The following KIFAP3 variants were observed in gnomAD, a reference collection of about 807,000 sequenced individuals.
The protein encoded by KIFAP3 is kinesin associated protein 3, also known as kinesin-associated protein 3.
KIFAP3 carries 68 observed loss-of-function variants against 106.5 expected under a neutral mutation model. The ratio of observed to expected loss-of-function variants is 0.64; its 90% confidence interval spans 0.53 to 0.78. The LOEUF (loss-of-function observed/expected upper bound fraction) is 0.78, where lower values mean the gene tolerates loss of function less well. KIFAP3 is among the 30% of genes least tolerant of loss of function. The pLI is 0.00. For synonymous variants in KIFAP3, 320 were observed against 311.5 expected, an observed-to-expected ratio of 1.03 and a Z score of -0.29; for missense variants, 780 against 941.8, an observed-to-expected ratio of 0.83 and a Z score of 2.25.
chr1:169,977,427 C>T (rs1666278488), intron 16 of KIFAP3, among the ~76,000 whole-genome samples: 1 of 152,166 alleles, frequency 6.6e-6, no homozygotes, highest in African/African-American at 2.4e-5. Context: ...GTACTTACAA[C>T]AATTCTACAA....
intron 2 of KIFAP3, among the ~76,000 whole-genome samples, chr1:170,051,869 C>T (rs1399115993): frequency 6.6e-6 from 1 of 152,110 alleles, no homozygotes; most frequent in Non-Finnish European, 1.5e-5. Context: ...ATTTATAGCA[C>T]TAAATGCCCA....
At chr1:169,930,894 T>C (rs1178992587) in intron 19 of KIFAP3, among the ~76,000 whole-genome samples, 1 of 148,454 alleles carries the variant, frequency 6.7e-6, no homozygotes, top group African/African-American at 2.5e-5. Context: ...CTGGAAGTCC[T>C]TTTCATTTTA....
chr1:170,074,563 G>A lies in KIFAP3; in HGVS notation c.-96C>T, dbSNP rs192114450. 12 of 1,592,308 alleles carry A rather than the reference G, an allele frequency of 7.5e-6. No homozygotes were observed. Among genetic ancestry groups the A allele is most frequent in the East Asian group, 2.3e-5 (1 of 43,844 alleles). Reference sequence around the variant, plus strand: ...TGGCCAAAGTACCCTCACACCCAGAGGCGATGACAGTCCTGAGGCCTGCAA... The same window carrying A: ...TGGCCAAAGTACCCTCACACCCAGAAGCGATGACAGTCCTGAGGCCTGCAA... On this transcript the variant is annotated 5_prime_UTR_variant, in exon 1 of 20. Coordinates refer to ENST00000361580, the MANE Select transcript of KIFAP3 (RefSeq NM_014970.4).
At chr1:170,082,272 G>C (rs1672031291) in intron 1 of KIFAP3, among the ~76,000 whole-genome samples, 1 of 152,092 alleles carries the variant, frequency 6.6e-6, no homozygotes, top group Non-Finnish European at 1.5e-5. Context: ...CAAAACTACT[G>C]ATATATGCAA....
intron 18 of KIFAP3, among the ~76,000 whole-genome samples, chr1:169,958,993 C>T (rs1162631342): frequency 6.6e-6 from 1 of 151,968 alleles, no homozygotes; most frequent in Non-Finnish European, 1.5e-5. Context: ...GAGAATGATG[C>T]TAATGACTAG....
At chr1:169,947,231 T>C (rs1664485767) in intron 19 of KIFAP3, among the ~76,000 whole-genome samples, 1 of 151,988 alleles carries the variant, frequency 6.6e-6, no homozygotes, top group South Asian at 2.1e-4. Flanking sequence ...TTGAAAATAA[T>C]GTCATTTGGA....
intron 10 of KIFAP3, among the ~76,000 whole-genome samples, chr1:170,005,649 T>G (rs36039820): frequency 7.3e-6 from 1 of 136,528 alleles, no homozygotes; most frequent in Non-Finnish European, 1.5e-5. Context: ...TAGGTGGGAA[T>G]TGAACAATGA....
chr1:169,942,039 ACAAT>A (rs771636666), intron 19 of KIFAP3, among the ~76,000 whole-genome samples: 142,348 of 152,222 alleles, frequency 0.94, 66,644 homozygotes, highest in East Asian at 0.99. Context: ...TGTGTTAACA[ACAAT>A]GTTATTTTTA....
chr1:170,019,148 A>G (rs1668677057), intron 9 of KIFAP3, among the ~76,000 whole-genome samples: 1 of 152,116 alleles, frequency 6.6e-6, no homozygotes, highest in African/African-American at 2.4e-5. Flanking sequence ...CAGAGCTACC[A>G]CTCAAGAAGA....
chr1:170,004,244 G>A lies in KIFAP3; in HGVS notation c.1184-11989C>T, dbSNP rs1332789536. On this transcript the variant is annotated intron_variant, in intron 10 of 19. Transcript: ENST00000361580. Reference sequence around the variant, plus strand: ...ATGGAAGAACATTCCATGCTCATGGGTAGGAAGAATAAATATTGTGAAAAT... The same window carrying A: ...ATGGAAGAACATTCCATGCTCATGGATAGGAAGAATAAATATTGTGAAAAT... 3.3e-5 allele frequency among the ~76,000 whole-genome samples: 5 copies of A among 152,174 alleles called. No homozygotes were observed. In the South Asian group the frequency reaches 6.2e-4, roughly 19 times the overall value.
At chr1:169,971,327 G>C (rs1294821898) in intron 17 of KIFAP3, among the ~76,000 whole-genome samples, 1 of 151,908 alleles carries the variant, frequency 6.6e-6, no homozygotes, top group Non-Finnish European at 1.5e-5. Context: ...ATGGCACTGT[G>C]ATCTATTAGA....
intron 8 of KIFAP3, among the ~76,000 whole-genome samples, chr1:170,029,058 C>T (rs1669264287): frequency 1.3e-5 from 2 of 151,648 alleles, no homozygotes; most frequent in South Asian, 4.2e-4. Flanking sequence ...CAAATATATC[C>T]CATACTAACA....
rs1417128915 is a variant in KIFAP3 at position 170,046,796 on chromosome 1, T to C, written c.235A>G (p.Lys79Glu). 1.2e-6 allele frequency: 2 copies of C among 1,611,250 alleles called. No homozygotes were observed. The highest frequency in any genetic ancestry group is 1.1e-5 in the South Asian group (1 of 90,696). The change falls in exon 3 of 20, where the codon AAA (lysine) becomes GAA (glutamate). Residue 79 changes from lysine (K) to glutamate (E), a missense_variant. Transcript: ENST00000361580. ...TTTAGTTTTGAAGGATGAATGAGTT[T>C]ACATTCTTCAACCACCTTCCTTGCC... ...SLARKVVEEC[K>E]LIHPSKLNEV...
chr1:169,925,700 A>G (rs1663096276), intron 19 of KIFAP3, among the ~76,000 whole-genome samples: 1 of 152,150 alleles, frequency 6.6e-6, no homozygotes, highest in Non-Finnish European at 1.5e-5. Context: ...AATGGCAGCC[A>G]GTAAAGAATC....
At chr1:169,990,155 T>C in intron 11 of KIFAP3, 1 of 1,495,206 alleles carries the variant, frequency 6.7e-7, no homozygotes, top group Admixed American at 2.2e-5. Flanking sequence ...AAGCACAGAG[T>C]TCAGTATGAA....
At chr1:169,980,605 C>T (rs1400274913) in intron 15 of KIFAP3, among the ~76,000 whole-genome samples, 1 of 152,158 alleles carries the variant, frequency 6.6e-6, no homozygotes, top group Non-Finnish European at 1.5e-5. Flanking sequence ...AAGTGTTCTA[C>T]AGCTACATGT....
intron 19 of KIFAP3, among the ~76,000 whole-genome samples, chr1:169,928,723 T>TAAAAAAAAAAAAAAAAAAAAAA (rs1258694998): frequency 1.2e-3 from 81 of 65,370 alleles, no homozygotes; most frequent in Non-Finnish European, 1.6e-3. Context: ...AAAAAAAAAT[T>TAAAAAAAAAAAAAAAAAAAAAA]AAAGTTATAC....
At chr1:169,978,870 G>T (rs1666366784) in intron 15 of KIFAP3, among the ~76,000 whole-genome samples, 1 of 151,986 alleles carries the variant, frequency 6.6e-6, no homozygotes, top group South Asian at 2.1e-4. Flanking sequence ...TAAATTGTGG[G>T]TCCCTTAAAG....
intron 18 of KIFAP3, among the ~76,000 whole-genome samples, chr1:169,957,390 C>G (rs1375640357): frequency 6.6e-6 from 1 of 151,948 alleles, no homozygotes; most frequent in Non-Finnish European, 1.5e-5. Context: ...TCTGAGATGC[C>G]CCAAGTAAGA....
Sources: gnomAD v4.1 joint callset for allele counts (sites outside exome capture counted in the v4.1 genomes callset) on GRCh38, gnomAD v4.1.1 for gene constraint, MANE v1.5 for transcripts, NCBI Gene and HGNC (gene_info 2026-07-23, HGNC 2026-07-21) for gene names.